The following RBFOX1 variants were observed in gnomAD, a reference collection of about 807,000 sequenced individuals.
RBFOX1 encodes the protein RNA binding fox-1 homolog 1, also known as RNA binding protein fox-1 homolog 1.
In RBFOX1, 8 loss-of-function variants were observed where a neutral mutation model predicts 57.7. The ratio of observed to expected loss-of-function variants is 0.14; its 90% confidence interval spans 0.08 to 0.25. The LOEUF is 0.25. RBFOX1 is among the 10% of genes least tolerant of loss of function. The pLI is 1.00. For missense variants in RBFOX1, 611 were observed against 548.5 expected (o/e 1.11, Z -1.14); for synonymous variants, 326 against 222.4 (o/e 1.47, Z -4.15).
chr16:5,986,577 C>T (rs1167524698), intron 4 of RBFOX1, among the ~76,000 whole-genome samples: 2 of 152,130 alleles, frequency 1.3e-5, no homozygotes, highest in South Asian at 2.1e-4. Context: ...ACCACTGATT[C>T]GTTGTCTGTA....
chr16:5,997,043 AC>A, intron 4 of RBFOX1, among the ~76,000 whole-genome samples: 4 of 142,396 alleles, frequency 2.8e-5, no homozygotes, highest in Non-Finnish European at 1.5e-5. Context: ...CATTGTCCAA[AC>A]TCACCAGGAA....
chr16:7,566,728 A>G (rs1170917101), intron 5 of RBFOX1, among the ~76,000 whole-genome samples: 1 of 152,144 alleles, frequency 6.6e-6, no homozygotes, highest in African/African-American at 2.4e-5. Flanking sequence ...GGCATTCAGC[A>G]TCAGTGATAG....
rs530809750 is a variant in RBFOX1 at position 7,083,459 on chromosome 16, T to TA, written c.27+31368dup. ...GCTCACAGAAGCTTAAGATTAAATA[T>TA]AAAAAAACAAGAAATGACACATACC... On this transcript the variant is annotated intron_variant, in intron 4 of 15. Coordinates refer to ENST00000550418, the MANE Select transcript of RBFOX1 (RefSeq NM_018723.4). 6.5e-4 allele frequency among the ~76,000 whole-genome samples: 99 copies of TA among 151,908 alleles called. 1 individual carries two copies. In the South Asian group the frequency reaches 0.013, roughly 20 times the overall value.
At chr16:5,752,517 C>G (rs1288936879) in intron 3 of RBFOX1, among the ~76,000 whole-genome samples, 1 of 152,220 alleles carries the variant, frequency 6.6e-6, no homozygotes, top group East Asian at 1.9e-4. Context: ...CTAGCTGTTT[C>G]ACGCTGTTTA....
Position 6,633,348 on chromosome 16 carries a change from G to C in RBFOX1, c.-63-21255G>C, listed in dbSNP as rs994433334. Reference sequence around the variant, plus strand: ...GCTGGAATGCAGCGGCACGATCTTGGCTCACTGCAACCTCCTCCTCCCAGG... The same window carrying C: ...GCTGGAATGCAGCGGCACGATCTTGCCTCACTGCAACCTCCTCCTCCCAGG... On this transcript the variant is annotated intron_variant, in intron 2 of 15. Transcript: ENST00000550418. Among the ~76,000 whole-genome samples, 22 of 152,278 alleles carry C rather than the reference G, an allele frequency of 1.4e-4. No individual in the cohort carries two copies. In the East Asian group the frequency reaches 4.2e-3, roughly 29 times the overall value.
chr16:7,692,852 T>C (rs543874779), intron 14 of RBFOX1, among the ~76,000 whole-genome samples: 4 of 151,980 alleles, frequency 2.6e-5, no homozygotes, highest in East Asian at 1.9e-4. Flanking sequence ...CACATCACCA[T>C]ATAAAATTGT....
At chr16:6,459,069 C>T (rs938211623) in intron 2 of RBFOX1, among the ~76,000 whole-genome samples, 1 of 152,232 alleles carries the variant, frequency 6.6e-6, no homozygotes, top group Admixed American at 6.5e-5. Context: ...AGCCTGGTGG[C>T]TCACGCCTGT....
chr16:6,270,849 T>C (rs890482609), intron 1 of RBFOX1, among the ~76,000 whole-genome samples: 2 of 152,152 alleles, frequency 1.3e-5, no homozygotes, highest in Admixed American at 6.5e-5. Flanking sequence ...AATGATACAG[T>C]GACCACAATG....
At chr16:6,912,899 C>G (rs1216841588) in intron 3 of RBFOX1, among the ~76,000 whole-genome samples, 1 of 152,124 alleles carries the variant, frequency 6.6e-6, no homozygotes, top group Non-Finnish European at 1.5e-5. Context: ...GGATTACAGG[C>G]ATGAGCCACC....
At chr16:6,720,234 C>A (rs2065704483) in intron 3 of RBFOX1, among the ~76,000 whole-genome samples, 1 of 152,022 alleles carries the variant, frequency 6.6e-6, no homozygotes, top group Non-Finnish European at 1.5e-5. Flanking sequence ...TGAAATACTG[C>A]TGAATGTTCA....
intron 1 of RBFOX1, among the ~76,000 whole-genome samples, chr16:5,301,920 C>T (rs1446169720): frequency 6.6e-6 from 1 of 152,062 alleles, no homozygotes; most frequent in Non-Finnish European, 1.5e-5. Flanking sequence ...TTGATTTTCC[C>T]TATTGTTCAT....
At chr16:5,265,757 G>A (rs2062842320) in intron 1 of RBFOX1, among the ~76,000 whole-genome samples, 1 of 152,158 alleles carries the variant, frequency 6.6e-6, no homozygotes, top group Admixed American at 6.5e-5. Flanking sequence ...TAAACAAATA[G>A]GTACCTCTCT....
intron 2 of RBFOX1, among the ~76,000 whole-genome samples, chr16:5,595,743 A>G (rs1041146220): frequency 1.3e-5 from 2 of 152,154 alleles, no homozygotes; most frequent in South Asian, 4.1e-4. Context: ...CAGACTTAGA[A>G]TGTTAATATG....
chr16:5,848,607 C>T (rs1443043697), intron 3 of RBFOX1, among the ~76,000 whole-genome samples: 4 of 152,040 alleles, frequency 2.6e-5, no homozygotes, highest in Admixed American at 2.0e-4. Context: ...GTAATGAGGG[C>T]AAGGAAGTCT....
chr16:6,760,050 G>GTCA (rs2076383275), intron 3 of RBFOX1, among the ~76,000 whole-genome samples: 1 of 152,174 alleles, frequency 6.6e-6, no homozygotes, highest in Non-Finnish European at 1.5e-5. Context: ...CACAGCAAAA[G>GTCA]GTGAGCATAT....
chr16:7,188,693 A>C (rs2084544867), intron 4 of RBFOX1, among the ~76,000 whole-genome samples: 1 of 152,158 alleles, frequency 6.6e-6, no homozygotes, highest in African/African-American at 2.4e-5. Flanking sequence ...GGTTTCATTT[A>C]TTCTGCTGCA....
chr16:6,709,898 A>C (rs1039540680), intron 3 of RBFOX1, among the ~76,000 whole-genome samples: 1 of 152,196 alleles, frequency 6.6e-6, no homozygotes, highest in African/African-American at 2.4e-5. Flanking sequence ...GCTACTGGCC[A>C]GATGGATCGC....
Position 7,372,218 on chromosome 16 carries a change from C to T in RBFOX1, c.28-145929C>T, listed in dbSNP as rs1270689760. On this transcript the variant is annotated intron_variant, in intron 4 of 15. Transcript: ENST00000550418. The stretch of plus-strand genomic sequence containing the variant: ...CTTTCTCACCATCAGTGCAGACATC[C>T]TATTTGGGCCTCGGAGCTGGAGTTC... Among the ~76,000 whole-genome samples, 5 of 152,082 alleles carry T rather than the reference C, an allele frequency of 3.3e-5. No individual in the cohort carries two copies. In the East Asian group the frequency reaches 7.8e-4, roughly 24 times the overall value.
At chr16:6,623,964 G>A (rs1471315323) in intron 2 of RBFOX1, among the ~76,000 whole-genome samples, 4 of 152,156 alleles carry the variant, frequency 2.6e-5, no homozygotes, top group Admixed American at 2.0e-4. Flanking sequence ...ACCCAGTAGT[G>A]GGATTGCTGG....
Sources: allele counts gnomAD v4.1 joint callset (sites outside exome capture counted in the v4.1 genomes callset), GRCh38; gene constraint gnomAD v4.1.1; transcripts MANE v1.5; gene names NCBI Gene and HGNC (gene_info 2026-07-23, HGNC 2026-07-21).